PCDH15: variants seen among roughly 807,000 people sequenced by gnomAD.
The protein encoded by PCDH15 is protocadherin-15.
A neutral mutation model predicts 178.5 loss-of-function variants in PCDH15; 129 were observed. The observed-to-expected ratio is 0.72, with a 90% CI of 0.63 to 0.84. PCDH15 has a LOEUF of 0.84. Among genes scored for constraint, PCDH15 ranks in the 40% least tolerant of loss-of-function variants. The pLI is 0.00. For synonymous variants in PCDH15, 800 were observed against 732.0 expected, an observed-to-expected ratio of 1.09 and a Z score of -1.50; for missense variants, 2,230 against 2,099.9, an observed-to-expected ratio of 1.06 and a Z score of -1.21.
chr10:54,374,435 C>T (rs1948113870), intron 4 of PCDH15, among the ~76,000 whole-genome samples: 1 of 152,042 alleles, frequency 6.6e-6, no homozygotes, highest in African/African-American at 2.4e-5. Flanking sequence ...CAGAGTCATA[C>T]TTTTCTTTCT....
intron 2 of PCDH15, among the ~76,000 whole-genome samples, chr10:55,367,291 G>C (rs1478531000): frequency 6.6e-6 from 1 of 152,096 alleles, no homozygotes; most frequent in Non-Finnish European, 1.5e-5. Context: ...ACTCAAACTG[G>C]AAGAAGTGGC....
chr10:55,181,721 A>G (rs1200382325), intron 1 of PCDH15, among the ~76,000 whole-genome samples: 1 of 152,008 alleles, frequency 6.6e-6, no homozygotes, highest in African/African-American at 2.4e-5. Flanking sequence ...TCTATATTAA[A>G]CTAAAAAGAG....
At chr10:54,137,295 T>C (rs1398606086) in intron 14 of PCDH15, among the ~76,000 whole-genome samples, 1 of 152,056 alleles carries the variant, frequency 6.6e-6, no homozygotes, top group Non-Finnish European at 1.5e-5. Flanking sequence ...TGCAGATAAA[T>C]CTCCATTTCT....
At chr10:54,034,677 T>A (rs1240824250) in intron 18 of PCDH15, among the ~76,000 whole-genome samples, 1 of 151,914 alleles carries the variant, frequency 6.6e-6, no homozygotes, top group East Asian at 1.9e-4. Flanking sequence ...TTAGAAGTTA[T>A]GAACTCAGAT....
intron 2 of PCDH15, among the ~76,000 whole-genome samples, chr10:55,058,635 T>C (rs896586943): frequency 6.6e-6 from 1 of 152,154 alleles, no homozygotes. Context: ...ATAATGTATG[T>C]TTTTTTATCT....
chr10:54,635,610 A>T (rs976961715), intron 2 of PCDH15, among the ~76,000 whole-genome samples: 9 of 151,868 alleles, frequency 5.9e-5, no homozygotes, highest in Non-Finnish European at 1.0e-4. Context: ...TTTAATGAAA[A>T]TTGTATTAGT....
intron 7 of PCDH15, among the ~76,000 whole-genome samples, chr10:54,325,718 T>C (rs1937852194): frequency 6.6e-6 from 1 of 152,006 alleles, no homozygotes; most frequent in Middle Eastern, 3.4e-3. Flanking sequence ...CACTGCACTC[T>C]AGCCTGGGCA....
chr10:53,866,365 C>T (rs2079448082), intron 27 of PCDH15, among the ~76,000 whole-genome samples: 2 of 151,528 alleles, frequency 1.3e-5, no homozygotes, highest in East Asian at 3.9e-4. Flanking sequence ...TATACCTTTG[C>T]TGTTACAATC....
At chr10:55,378,908 T>A (rs932841367) in intron 2 of PCDH15, among the ~76,000 whole-genome samples, 66 of 148,888 alleles carry the variant, frequency 4.4e-4, no homozygotes, top group African/African-American at 1.6e-3. Context: ...TCTCTCTCTC[T>A]CACATATGCC....
chr10:54,243,082 G>A (rs896273339), intron 8 of PCDH15, among the ~76,000 whole-genome samples: 1 of 152,050 alleles, frequency 6.6e-6, no homozygotes, highest in East Asian at 1.9e-4. Flanking sequence ...TAATACCTAA[G>A]TTATTGAATT....
chr10:55,204,980 C>T (rs1297664967), intron 1 of PCDH15, among the ~76,000 whole-genome samples: 1 of 151,948 alleles, frequency 6.6e-6, no homozygotes, highest in Non-Finnish European at 1.5e-5. Flanking sequence ...GATTTTTCTA[C>T]ACAAATTTGG....
At chr10:55,280,562 T>G (rs1183707550) in intron 1 of PCDH15, among the ~76,000 whole-genome samples, 2 of 151,610 alleles carry the variant, frequency 1.3e-5, no homozygotes, top group East Asian at 3.9e-4. Context: ...GTGCTGGGAT[T>G]ACAGGCGTGA....
At chr10:54,682,837 G>C (rs2094924113) in intron 1 of PCDH15, among the ~76,000 whole-genome samples, 1 of 152,046 alleles carries the variant, frequency 6.6e-6, no homozygotes, top group African/African-American at 2.4e-5. Flanking sequence ...ATTCTTCTCT[G>C]TTAACCCATA....
At chr10:54,436,036 GAGA>G (rs1347616509) in intron 3 of PCDH15, among the ~76,000 whole-genome samples, 17 of 22,586 alleles carry the variant, frequency 7.5e-4, no homozygotes, top group African/African-American at 4.7e-3. Flanking sequence ...GGAGAGGAGA[GAGA>G]GAGAGAGAGA....
At chr10:54,637,621 G>C (rs2093889000) in intron 2 of PCDH15, among the ~76,000 whole-genome samples, 1 of 151,908 alleles carries the variant, frequency 6.6e-6, no homozygotes, top group Non-Finnish European at 1.5e-5. Context: ...TTATTGTATT[G>C]AGCTTTCCTG....
At chr10:55,493,086 A>G (rs897725186) in intron 2 of PCDH15, among the ~76,000 whole-genome samples, 1 of 151,762 alleles carries the variant, frequency 6.6e-6, no homozygotes, top group Non-Finnish European at 1.5e-5. Flanking sequence ...TTGCAACATG[A>G]TATGAGTATA....
chr10:55,365,377 C>G (rs145538524), intron 2 of PCDH15, among the ~76,000 whole-genome samples: 85 of 152,266 alleles, frequency 5.6e-4, no homozygotes, highest in African/African-American at 1.9e-3. Flanking sequence ...GGATCATTCA[C>G]TCTGTGGAAT....
At chr10:54,273,834 C>A (rs1188261919) in intron 8 of PCDH15, among the ~76,000 whole-genome samples, 2 of 152,078 alleles carry the variant, frequency 1.3e-5, no homozygotes, top group Non-Finnish European at 2.9e-5. Flanking sequence ...CGGCTATTCC[C>A]TCTGGAACAC....
At chr10:54,019,736 A>G (rs951723593) in intron 20 of PCDH15, among the ~76,000 whole-genome samples, 1 of 152,120 alleles carries the variant, frequency 6.6e-6, no homozygotes, top group African/African-American at 2.4e-5. Flanking sequence ...TTTAACCTCA[A>G]TTCCATCTAA....
Sources: gnomAD v4.1 joint callset for allele counts (sites outside exome capture counted in the v4.1 genomes callset) on GRCh38, gnomAD v4.1.1 for gene constraint, MANE v1.5 for transcripts, NCBI Gene and HGNC (gene_info 2026-07-23, HGNC 2026-07-21) for gene names.